The following IFNGR2 variants were observed in gnomAD, a reference collection of about 807,000 sequenced individuals.
The protein encoded by IFNGR2 is interferon gamma receptor 2.
A neutral mutation model predicts 41.1 loss-of-function variants in IFNGR2; 15 were observed. The observed-to-expected ratio is 0.37, with a 90% confidence interval of 0.24 to 0.56. IFNGR2 has a LOEUF of 0.56. Among genes scored for constraint, IFNGR2 ranks in the 20% least tolerant of loss-of-function variants. The pLI, the probability that IFNGR2 is intolerant of heterozygous loss-of-function variation, is 0.81. For synonymous variants in IFNGR2, 161 were observed against 171.6 expected, an observed-to-expected ratio of 0.94 and a Z score of 0.48; for missense variants, 362 against 415.7, an observed-to-expected ratio of 0.87 and a Z score of 1.12.
chr21:33,418,820 A>G (rs749600922), intron 2 of IFNGR2, among the ~76,000 whole-genome samples: 21 of 151,870 alleles, frequency 1.4e-4, no homozygotes, highest in Non-Finnish European at 2.8e-4. Context: ...AAATAACAGG[A>G]AAAAAAACCA....
At chr21:33,428,105 G>A (rs534947085) in intron 4 of IFNGR2, among the ~76,000 whole-genome samples, 4 of 152,012 alleles carry the variant, frequency 2.6e-5, no homozygotes, top group South Asian at 2.1e-4. Context: ...GGTCAGCAGC[G>A]AATCACTGGC....
In IFNGR2 at chr21:33,408,586, T is replaced by A. The variant is rs548437882; in HGVS notation, c.73+4970T>A. Among the ~76,000 whole-genome samples, 124 of 152,190 alleles carry A rather than the reference T, an allele frequency of 8.1e-4. 1 individual carries two copies. Among genetic ancestry groups the A allele is most frequent in the Non-Finnish European group, 1.6e-3 (107 of 68,038 alleles). The stretch of plus-strand genomic sequence containing the variant: ...TTGGGATGGGTCAGGAAGGCAGAGT[T>A]GTTCATTCACCTCTTCACTGGTTGT... On this transcript the variant is annotated intron_variant, in intron 1 of 6. Transcript: ENST00000290219.
At chr21:33,433,010 T>A in intron 6 of IFNGR2, 139 bp downstream of exon 6, 1 of 737,464 alleles carries the variant, frequency 1.4e-6, no homozygotes, top group Non-Finnish European at 2.3e-6. Flanking sequence ...CTCAGCCTCC[T>A]GAGTAGCTGG....
intron 1 of IFNGR2, chr21:33,411,408 C>T (rs780173802): frequency 4.5e-5 from 21 of 469,960 alleles, no homozygotes; most frequent in South Asian, 2.3e-4. Context: ...AAAGGGAAGT[C>T]GGGAAGAAGA....
intron 1 of IFNGR2, among the ~76,000 whole-genome samples, chr21:33,412,894 C>T (rs552282558): frequency 1.3e-5 from 2 of 152,244 alleles, no homozygotes; most frequent in Admixed American, 6.5e-5. Flanking sequence ...CAGTTTGGTC[C>T]GGAGAGCTGC....
intron 1 of IFNGR2, among the ~76,000 whole-genome samples, chr21:33,412,871 C>A (rs1398991178): frequency 6.6e-6 from 1 of 152,162 alleles, no homozygotes; most frequent in East Asian, 1.9e-4. Context: ...TTATTTCTAT[C>A]TTGTCTCATT....
chr21:33,411,574 G>A (rs2083716328), intron 1 of IFNGR2: 1 of 466,848 alleles, frequency 2.1e-6, no homozygotes, highest in African/African-American at 2.0e-5. Flanking sequence ...CCGCAGATGT[G>A]AGTAAGTTAA....
chr21:33,424,848 C>A (rs1035869924), intron 3 of IFNGR2, among the ~76,000 whole-genome samples: 2 of 149,436 alleles, frequency 1.3e-5, no homozygotes, highest in Middle Eastern at 3.4e-3. Flanking sequence ...TTAAGTGATT[C>A]TCGTGCCTCA....
At chr21:33,412,659 G>A (rs1251683054) in intron 1 of IFNGR2, among the ~76,000 whole-genome samples, 2 of 152,158 alleles carry the variant, frequency 1.3e-5, no homozygotes, top group South Asian at 2.1e-4. Flanking sequence ...GGGTTCAAGC[G>A]ATTCTCCTGC....
rs1001625726 is a variant in IFNGR2, at chr21:33,408,819, G to A, written c.73+5203G>A. On this transcript the variant is annotated intron_variant, in intron 1 of 6. Transcript: ENST00000290219. ...AGGACACTACTTGCCAGGAAGAGTT[G>A]AAGAAAGTCCAATAGAGGAAGAACA... Among the ~76,000 whole-genome samples, 3 of 152,160 alleles carry A rather than the reference G, an allele frequency of 2.0e-5. No individual in the cohort carries two copies. In the East Asian group the frequency reaches 5.8e-4, roughly 29 times the overall value.
Position 33,421,620 on chromosome 21 carries a change from G to A in IFNGR2, c.347G>A (p.Arg116Gln), listed in dbSNP as rs760780330. 61 of 1,613,984 alleles carry A rather than the reference G, an allele frequency of 3.8e-5. No homozygotes were observed. The highest frequency in any genetic ancestry group is 2.0e-4 in the Admixed American group (12 of 59,992). Residue 116 changes from arginine (R) to glutamine (Q), a missense_variant, in exon 3 of 7, where the codon CGA becomes CAA. Transcript: ENST00000290219. ...GATTTCAATGTCACTCTACGCCTTC[G>A]AGCTGAGCTGGGAGCACTCCATTCT... Reference protein sequence around the residue: ...PMDFNVTLRLRAELGALHSAW... With the variant: ...PMDFNVTLRLQAELGALHSAW...
At chr21:33,419,152 C>G (rs2083773407) in intron 2 of IFNGR2, among the ~76,000 whole-genome samples, 1 of 152,190 alleles carries the variant, frequency 6.6e-6, no homozygotes, top group African/African-American at 2.4e-5. Context: ...GTTGCCCAGG[C>G]TGGACTGCAG....
At position 33,432,895 on chromosome 21, in the gene IFNGR2, T is replaced by C. The variant is rs762385143; in HGVS notation, c.879+24T>C. 6.2e-6 allele frequency: 10 copies of C among 1,604,050 alleles called. 1 individual carries two copies. Among genetic ancestry groups the C allele is most frequent in the Middle Eastern group, 3.5e-4 (2 of 5,646 alleles). On this transcript the variant is annotated intron_variant, in intron 6 of 6. Transcript: ENST00000290219. Reference sequence around the variant, plus strand: ...AGGTACGTGTGCACACATCTCTTTTTTTTTTTTTGAGACAGGGTCTTGCTC... The same window carrying C: ...AGGTACGTGTGCACACATCTCTTTTCTTTTTTTTGAGACAGGGTCTTGCTC...
intron 1 of IFNGR2, among the ~76,000 whole-genome samples, chr21:33,408,290 G>A (rs1230774504): frequency 5.9e-5 from 9 of 151,802 alleles, no homozygotes; most frequent in East Asian, 5.9e-4. Context: ...TCCACCTCCC[G>A]GGTTCAAGTG....
At chr21:33,414,769 C>A in intron 1 of IFNGR2, 119 bp from the exon 2 acceptor site, 3 of 1,240,560 alleles carry the variant, frequency 2.4e-6, no homozygotes, top group African/African-American at 1.5e-5. Context: ...GCCATTTCTG[C>A]ACTTTGACAA....
rs121913199 is a variant in IFNGR2, at chr21:33,421,400, G to A, written c.207-80G>A. ...ATAAATTGTATCTCAATAAACCTGC[G>A]TTTTGAACAAAAGCTCTGGGGAAAC... On this transcript the variant is annotated intron_variant, in intron 2 of 6. Transcript: ENST00000290219. The A allele has an allele frequency of 3.3e-3, 3,622 of 1,102,986 alleles. 16 individuals are homozygous for A. Among genetic ancestry groups the A allele is most frequent in the Non-Finnish European group, 4.3e-3 (3,118 of 720,768 alleles). The allele number at this position is 1,102,986 out of a possible 1,614,324, so 68.3% of individuals were successfully genotyped here. A position where few individuals can be genotyped will look rare whatever the true frequency, so the allele number is the denominator to read the frequency against.
chr21:33,434,459 T>C (rs777203472), intron 6 of IFNGR2, among the ~76,000 whole-genome samples: 19 of 152,008 alleles, frequency 1.2e-4, no homozygotes, highest in Non-Finnish European at 2.4e-4. Flanking sequence ...GAGGTGGAAG[T>C]TACAGTAAGC....
In IFNGR2 at chr21:33,436,686, T is replaced by TACTCCAGCCTAGGCAAGAGTAAG. The variant is rs121913218; in HGVS notation, c.880-135_880-113dup. 145 of 634,492 alleles carry TACTCCAGCCTAGGCAAGAGTAAG rather than the reference T, an allele frequency of 2.3e-4. No homozygotes were observed. In the African/African-American group the frequency reaches 2.4e-3, roughly 11 times the overall value. The allele number at this position is 634,492 out of a possible 1,614,324, so 39.3% of individuals were successfully genotyped here. On this transcript the variant is annotated intron_variant, in intron 6 of 6. Transcript: ENST00000290219. The stretch of plus-strand genomic sequence containing the variant: ...GCAGTGAGCTGAGATCACACCACTA[T>TACTCCAGCCTAGGCAAGAGTAAG]ACTCCAGCCTAGGCAAGAGTAAGAC...
intron 3 of IFNGR2, among the ~76,000 whole-genome samples, chr21:33,426,150 C>T (rs916607737): frequency 6.6e-6 from 1 of 151,772 alleles, no homozygotes; most frequent in East Asian, 1.9e-4. Context: ...ATGGTGCTCA[C>T]GCCTGTAATC....
Sources: gnomAD v4.1 joint callset for allele counts (sites outside exome capture counted in the v4.1 genomes callset) on GRCh38, gnomAD v4.1.1 for gene constraint, MANE v1.5 for transcripts, NCBI Gene and HGNC (gene_info 2026-07-23, HGNC 2026-07-21) for gene names.